The following SOX6 variants were observed in gnomAD, a reference collection of about 807,000 sequenced individuals.
SOX6 encodes the protein transcription factor SOX-6.
Under a neutral mutation model 97.8 loss-of-function variants are expected in SOX6, and 11 were observed. The ratio of observed to expected loss-of-function variants is 0.11; its 90% confidence interval spans 0.07 to 0.19. SOX6 has a LOEUF of 0.19. Among genes scored for constraint, SOX6 ranks in the 10% least tolerant of loss-of-function variants. SOX6 has a pLI of 1.00. For synonymous variants in SOX6, 360 were observed against 371.4 expected, an observed-to-expected ratio of 0.97 and a Z score of 0.35; for missense variants, 810 against 1,039.5, an observed-to-expected ratio of 0.78 and a Z score of 3.04.
At chr11:16,716,128 T>TGGGA (rs1200928866) in intron 2 of SOX6, among the ~76,000 whole-genome samples, 3 of 152,078 alleles carry the variant, frequency 2.0e-5, no homozygotes, top group Non-Finnish European at 4.4e-5. Context: ...CCCAGCTACT[T>TGGGA]GGGAGGCTGA....
intron 3 of SOX6, among the ~76,000 whole-genome samples, chr11:16,676,313 T>C (rs954416693): frequency 1.3e-5 from 2 of 152,222 alleles, no homozygotes; most frequent in East Asian, 3.8e-4. Flanking sequence ...AGTCTCATGG[T>C]TTCCTTATTT....
chr11:16,001,133 G>A (rs1489973714), intron 13 of SOX6, among the ~76,000 whole-genome samples: 2 of 152,130 alleles, frequency 1.3e-5, no homozygotes, highest in African/African-American at 2.4e-5. Flanking sequence ...CCAAAATGCT[G>A]GGATTACAGA....
rs77088724 is a variant in SOX6 at position 16,339,760 on chromosome 11, G to A, written c.237+1252C>T. On this transcript the variant is annotated intron_variant, in intron 2 of 15. Transcript: ENST00000683767. ...CATAGATGGTACTCAATAAATATTT[G>A]TTTAAATAAAAATGAAACATCGCTC... 8.8e-3 allele frequency among the ~76,000 whole-genome samples: 1,343 copies of A among 152,102 alleles called. 22 individuals carry two copies. The highest frequency in any genetic ancestry group is 0.03 in the African/African-American group (1,255 of 41,520).
chr11:16,434,414 A>G (rs1859333291), intron 1 of SOX6: 1 of 152,176 alleles, frequency 6.6e-6, no homozygotes, highest in Non-Finnish European at 1.5e-5. Flanking sequence ...AGTGTGCAAG[A>G]TAAAGATGCT....
chr11:16,357,362 G>A (rs892739711), upstream of SOX6, among the ~76,000 whole-genome samples: 5 of 152,086 alleles, frequency 3.3e-5, no homozygotes, highest in African/African-American at 1.2e-4. Context: ...CTAGAAATAC[G>A]ATTTCTGTGC....
chr11:16,102,035 T>G lies in SOX6; in HGVS notation c.899-4347A>C, dbSNP rs560791764. Among the ~76,000 whole-genome samples the G allele has an allele frequency of 9.9e-5, 15 of 151,920 alleles. No homozygotes were observed. The South Asian group carries it at 3.1e-3, about 32-fold the overall frequency. On this transcript the variant is annotated intron_variant, in intron 7 of 15. Transcript: ENST00000683767. ...GTACTGGAAGTCCTAGCAAGAGCAA[T>G]GAGACAACAGACAGAAAATAGGGGC...
chr11:16,329,560 C>T (rs1012994517), intron 2 of SOX6, among the ~76,000 whole-genome samples: 9 of 152,204 alleles, frequency 5.9e-5, no homozygotes, highest in African/African-American at 1.4e-4. Flanking sequence ...TTCCACCTCT[C>T]ATCCATATAA....
At chr11:16,535,498 C>A (rs1861294457) in intron 4 of SOX6, among the ~76,000 whole-genome samples, 1 of 151,984 alleles carries the variant, frequency 6.6e-6, no homozygotes, top group Non-Finnish European at 1.5e-5. Flanking sequence ...ATGGCAAAAC[C>A]CCGTCTCTAC....
chr11:16,195,525 G>T (rs902736065), intron 4 of SOX6, among the ~76,000 whole-genome samples: 1 of 152,172 alleles, frequency 6.6e-6, no homozygotes, highest in African/African-American at 2.4e-5. Flanking sequence ...AAGGCAAAAA[G>T]CTTGGCTAGC....
At chr11:16,301,645 G>A (rs138410059) in intron 3 of SOX6, among the ~76,000 whole-genome samples, 1 of 152,112 alleles carries the variant, frequency 6.6e-6, no homozygotes, top group East Asian at 1.9e-4. Context: ...CTCATGTTGG[G>A]GCTAAAGGTA....
intron 4 of SOX6, among the ~76,000 whole-genome samples, chr11:16,188,575 T>G (rs1851545371): frequency 6.6e-6 from 1 of 152,192 alleles, no homozygotes; most frequent in African/African-American, 2.4e-5. Flanking sequence ...ACTAATGTAT[T>G]TGTTAATATA....
rs1380139430 is a variant in SOX6, at chr11:16,132,262, AGAAAGAAGGAAGGAAGGAAG to A, written c.778-20359_778-20340del. Among the ~76,000 whole-genome samples the A allele has an allele frequency of 8.4e-3, 951 of 113,502 alleles. 56 individuals are homozygous for A. The highest frequency in any genetic ancestry group is 0.034 in the African/African-American group (904 of 26,394). The allele number at this position is 113,502 out of a possible 152,430, so 74.5% of individuals were successfully genotyped here. A position where few individuals can be genotyped will look rare whatever the true frequency, so the allele number is the denominator to read the frequency against. On this transcript the variant is annotated intron_variant, in intron 6 of 15. Transcript: ENST00000683767. ...AAGAAAGAAAGGAAGGAAGAAAGAA[AGAAAGAAGGAAGGAAGGAAG>A]GAAGGAAGGAAGGAAGGAAGGAAGG...
At chr11:16,581,493 A>ATGAAGGGC in intron 4 of SOX6, among the ~76,000 whole-genome samples, 1 of 152,166 alleles carries the variant, frequency 6.6e-6, no homozygotes, top group East Asian at 1.9e-4. Context: ...TAGTTAATGC[A>ATGAAGGGC]TGAAGGGCTT....
intron 2 of SOX6, among the ~76,000 whole-genome samples, chr11:16,325,583 T>C (rs930641003): frequency 2.6e-5 from 4 of 152,144 alleles, no homozygotes; most frequent in African/African-American, 9.7e-5. Flanking sequence ...AGAGTCAGTA[T>C]ATTATAGTTT....
intron 10 of SOX6, among the ~76,000 whole-genome samples, chr11:16,051,621 A>G (rs978378601): frequency 6.6e-6 from 1 of 152,140 alleles, no homozygotes; most frequent in Non-Finnish European, 1.5e-5. Context: ...CTTTATTCAA[A>G]GGATGTTTGA....
At chr11:16,410,978 G>C (rs1858798480) in intron 1 of SOX6, among the ~76,000 whole-genome samples, 1 of 149,506 alleles carries the variant, frequency 6.7e-6, no homozygotes, top group Non-Finnish European at 1.5e-5. Flanking sequence ...GAGATAGTGA[G>C]TGACTGAAAA....
At chr11:16,099,630 A>C (rs1053986535) in intron 7 of SOX6, among the ~76,000 whole-genome samples, 2 of 151,780 alleles carry the variant, frequency 1.3e-5, no homozygotes, top group Admixed American at 6.6e-5. Context: ...AACATATTTT[A>C]AAAAAATCAA....
intron 6 of SOX6, among the ~76,000 whole-genome samples, chr11:16,134,026 G>A (rs1033133374): frequency 6.6e-6 from 1 of 152,208 alleles, no homozygotes; most frequent in African/African-American, 2.4e-5. Flanking sequence ...CATTGGTGAT[G>A]ATAATAATGA....
chr11:15,970,115 A>G lies in SOX6; in HGVS notation c.*2694T>C, dbSNP rs1279617605. 7 of 152,428 alleles carry G rather than the reference A, an allele frequency of 4.6e-5. No individual in the cohort carries two copies. The highest frequency in any genetic ancestry group is 1.7e-4 in the African/African-American group (7 of 41,596). The allele number at this position is 152,428 out of a possible 1,614,324, so 9.4% of individuals were successfully genotyped here. A position where few individuals can be genotyped will look rare whatever the true frequency, so the allele number is the denominator to read the frequency against. On this transcript the variant is annotated 3_prime_UTR_variant, in exon 16 of 16. Coordinates refer to ENST00000683767, the MANE Select transcript of SOX6 (RefSeq NM_001367873.1). Reference sequence around the variant, plus strand: ...GGCAAGCCCACACGAGTCGAAACAGATGACTTTTGTTCATGTAGTTTTCGT... The same window carrying G: ...GGCAAGCCCACACGAGTCGAAACAGGTGACTTTTGTTCATGTAGTTTTCGT...
Sources: gnomAD v4.1 joint callset for allele counts (sites outside exome capture counted in the v4.1 genomes callset) on GRCh38, gnomAD v4.1.1 for gene constraint, MANE v1.5 for transcripts, NCBI Gene and HGNC (gene_info 2026-07-23, HGNC 2026-07-21) for gene names.